Variants in DHX58 observed in about 807,000 individuals in gnomAD.
DHX58 encodes ATP-dependent RNA helicase DHX58.
In DHX58, 51 loss-of-function variants were observed where a neutral mutation model predicts 65.0. That is an observed-to-expected ratio of 0.78 (90% CI 0.63 to 0.99). The LOEUF is 0.99. Among genes scored for constraint, DHX58 ranks in the 50% least tolerant of loss-of-function variants. DHX58 has a pLI of 0.00. For missense variants in DHX58, 773 were observed against 891.8 expected (o/e 0.87, Z 1.70); for synonymous variants, 350 against 365.0 (o/e 0.96, Z 0.47).
chr17:42,105,679 G>C, intron 9 of DHX58, 57 bp downstream of exon 9: 2 of 1,507,890 alleles, frequency 1.3e-6, no homozygotes, highest in Non-Finnish European at 1.8e-6. Context: ...CCTGTTCCCC[G>C]CACTTCTCTC....
chr17:42,108,698 G>C (rs1048526009), intron 6 of DHX58, among the ~76,000 whole-genome samples: 2 of 151,478 alleles, frequency 1.3e-5, no homozygotes, highest in African/African-American at 2.4e-5. Context: ...GCCAGGGAGA[G>C]CAGCTGCAGG....
At chr17:42,107,582 G>T in intron 8 of DHX58, 22 bp downstream of exon 8, 1 of 750,112 alleles carries the variant, frequency 1.3e-6, no homozygotes, top group Non-Finnish European at 2.1e-6. Flanking sequence ...CCCCGGCCCC[G>T]AAGCCCCCTC....
At chr17:42,102,425 G>C (rs2053993612) in intron 12 of DHX58, 113 bp from the exon 13 acceptor site, 7 of 896,388 alleles carry the variant, frequency 7.8e-6, no homozygotes, top group South Asian at 7.1e-5. Context: ...TGCTGGTTAA[G>C]AGGCACAGAC....
chr17:42,111,177 A>G (rs1199358401), intron 4 of DHX58, 119 bp downstream of exon 4: 2 of 1,314,906 alleles, frequency 1.5e-6, no homozygotes, highest in Non-Finnish European at 1.0e-6. Context: ...GGTTTTGTGA[A>G]CAGGCAACCC....
chr17:42,108,988 T>C (rs1440417897), intron 6 of DHX58, among the ~76,000 whole-genome samples: 1 of 152,208 alleles, frequency 6.6e-6, no homozygotes, highest in Non-Finnish European at 1.5e-5. Flanking sequence ...GAGGGCTCAG[T>C]AGAGCCTCAG....
intron 2 of DHX58, 44 bp from the exon 3 acceptor site, chr17:42,111,937 T>G: frequency 6.4e-7 from 1 of 1,571,072 alleles, no homozygotes; most frequent in Middle Eastern, 2.1e-4. Context: ...CCTCCACCCC[T>G]CCCAACTCCT....
At position 42,106,003 on chromosome 17, in the gene DHX58, C is replaced by T; in HGVS notation, c.998-14G>A. ...CATTCTTGCGGTCTGTCAAAAACCC[C>T]AAAATTTAGCTGGGTGTAGTGGCAC... On this transcript the variant is annotated splice_polypyrimidine_tract_variant and intron_variant, in intron 8 of 13. Transcript: ENST00000251642. The T allele has an allele frequency of 6.2e-7, 1 of 1,605,738 alleles. No homozygotes were observed. Among genetic ancestry groups the T allele is most frequent in the African/African-American group, 1.3e-5 (1 of 74,852 alleles).
chr17:42,111,866 C>T lies in DHX58; in HGVS notation c.27G>A (p.Glu9=). The T allele has an allele frequency of 6.2e-7, 1 of 1,612,526 alleles. No individual in the cohort carries two copies. Among genetic ancestry groups the T allele is most frequent in the Non-Finnish European group, 8.5e-7 (1 of 1,178,960 alleles). Residue 9 remains glutamate, a synonymous_variant, in exon 3 of 14, where the codon GAG becomes GAA. Transcript: ENST00000251642. ...TGCCCTCCAGGGCAGGCATGATCACCTCCCATTGGTAGGACCGAAGCTCCA... is the reference window on the plus strand; with the variant it reads ...TGCCCTCCAGGGCAGGCATGATCACTTCCCATTGGTAGGACCGAAGCTCCA... MELRSYQW[E]VIMPALEGKN...
chr17:42,107,938 C>T, intron 7 of DHX58, 44 bp downstream of exon 7: 1 of 1,612,896 alleles, frequency 6.2e-7, no homozygotes, highest in South Asian at 1.1e-5. Flanking sequence ...CGCCCCTGAC[C>T]ACTCCCACAT....
At chr17:42,102,462 G>A in intron 12 of DHX58, 150 bp from the exon 13 acceptor site, 1 of 670,992 alleles carries the variant, frequency 1.5e-6, no homozygotes, top group Non-Finnish European at 2.6e-6. Flanking sequence ...TCCAATCTTT[G>A]GTGAGTTCTA....
In DHX58 at chr17:42,105,788, G is replaced by A; in HGVS notation, c.1199C>T (p.Ala400Val). The change falls in exon 9 of 14, where the codon GCC becomes GTC. Residue 400 changes from alanine to valine, a missense_variant. Physicochemically the swap from Ala to Val is moderately conservative, Grantham distance 64 (BLOSUM62 0). Transcript: ENST00000251642. ...QQGLQTVDIR[A>V]QLLIGAGNSS... ...GTTCCCAGCCCCAATCAGTAGCTGG[G>A]CCCGGATGTCCACAGTCTGCAGGCC... is the stretch of plus-strand genomic sequence containing the variant. 1 of 1,611,988 alleles carries A rather than the reference G, an allele frequency of 6.2e-7. No homozygotes were observed. The highest frequency in any genetic ancestry group is 8.5e-7 in the Non-Finnish European group (1 of 1,178,822).
At chr17:42,103,878 A>G (rs2054015124) in intron 11 of DHX58, 80 bp from the exon 12 acceptor site, 1 of 1,458,868 alleles carries the variant, frequency 6.9e-7, no homozygotes, top group African/African-American at 1.4e-5. Flanking sequence ...CAAAGAACTA[A>G]GATCATTTGT....
At chr17:42,102,474 C>A in intron 12 of DHX58, 162 bp from the exon 13 acceptor site, 1 of 627,242 alleles carries the variant, frequency 1.6e-6, no homozygotes. Context: ...TGAGTTCTAC[C>A]TGTGTGGCCT....
chr17:42,103,201 C>T (rs1251995703), intron 12 of DHX58: 12 of 205,066 alleles, frequency 5.9e-5, no homozygotes, highest in African/African-American at 7.2e-5. Flanking sequence ...CACAGTGGCC[C>T]GGAACACAGA....
chr17:42,105,768 C>T lies in DHX58; in HGVS notation c.1219G>A (p.Gly407Arg). 6.2e-7 allele frequency: 1 copy of T among 1,602,962 alleles called. No individual in the cohort carries two copies. The highest frequency in any genetic ancestry group is 8.5e-7 in the Non-Finnish European group (1 of 1,173,902). Residue 407 changes from glycine to arginine, a missense_variant, in exon 9 of 14, where the codon GGG (glycine) becomes AGG (arginine). Coordinates refer to ENST00000251642, the MANE Select transcript of DHX58 (RefSeq NM_024119.3). ...ATGTGGGTGCTCTGGCTGCTGTTCC[C>T]AGCCCCAATCAGTAGCTGGGCCCGG... ...DIRAQLLIGA[G>R]NSSQSTHMTQ... is the part of the protein sequence containing the mutation.
chr17:42,107,182 C>T (rs994618108), intron 8 of DHX58, among the ~76,000 whole-genome samples: 12 of 152,050 alleles, frequency 7.9e-5, no homozygotes, highest in African/African-American at 2.9e-4. Flanking sequence ...GGCAACAAAG[C>T]AAGACTCCGC....
chr17:42,105,706 A>T (rs782238299), intron 9 of DHX58, 30 bp downstream of exon 9: 1 of 1,527,912 alleles, frequency 6.5e-7, no homozygotes, highest in South Asian at 1.3e-5. Flanking sequence ...AATCCCTCCC[A>T]GCGCCAGCAT....
In DHX58 at chr17:42,105,851, C is replaced by CCTT; in HGVS notation, c.1135_1136insAAG (p.Ser379delinsLysGly). On this transcript the variant is annotated protein_altering_variant, in exon 9 of 14. Transcript: ENST00000251642. The stretch of plus-strand genomic sequence containing the variant: ...GAGCCAGAGCAGGAGGGAGTGTGCG[C>CCTT]TTTGGCGGGTGCGGGTGAAGATGAT... The CCTT allele has an allele frequency of 6.2e-7, 1 of 1,614,014 alleles. No individual in the cohort carries two copies. Among genetic ancestry groups the CCTT allele is most frequent in the Non-Finnish European group, 8.5e-7 (1 of 1,180,022 alleles).
At chr17:42,107,246 C>T (rs1411567254) in intron 8 of DHX58, among the ~76,000 whole-genome samples, 2 of 151,774 alleles carry the variant, frequency 1.3e-5, no homozygotes, top group Non-Finnish European at 2.9e-5. Flanking sequence ...CCCACCTGTA[C>T]GCCTAGCTAC....
Sources: gnomAD v4.1 joint callset for allele counts (sites outside exome capture counted in the v4.1 genomes callset) on GRCh38, gnomAD v4.1.1 for gene constraint, MANE v1.5 for transcripts, NCBI Gene and HGNC (gene_info 2026-07-23, HGNC 2026-07-21) for gene names.